Variants in MYO5B observed in about 807,000 individuals in gnomAD.
The protein encoded by MYO5B is myosin VB.
A neutral mutation model predicts 229.3 loss-of-function variants in MYO5B; 143 were observed. The observed-to-expected ratio is 0.62, with a 90% confidence interval of 0.54 to 0.72. The LOEUF (loss-of-function observed/expected upper bound fraction) is 0.72, where lower values mean the gene tolerates loss of function less well. Ranked by LOEUF, MYO5B falls within the 30% of genes least tolerant of loss-of-function variation. The probability of loss-of-function intolerance (pLI) is 0.00; values close to 1 mark genes in which losing one functional copy is unlikely to be tolerated. For missense variants in MYO5B, 2,321 were observed against 2,331.0 expected, an observed-to-expected ratio of 1.00 and a Z score of 0.09; for synonymous variants, 918 against 885.2, an observed-to-expected ratio of 1.04 and a Z score of -0.66.
chr18:50,144,986 G>A (rs2032476910), intron 1 of MYO5B, among the ~76,000 whole-genome samples: 1 of 152,138 alleles, frequency 6.6e-6, no homozygotes, highest in African/African-American at 2.4e-5. Context: ...CTCAATACAG[G>A]CCTTGAATCA....
chr18:50,046,920 C>A (rs1434157866), intron 2 of MYO5B, among the ~76,000 whole-genome samples: 1 of 152,152 alleles, frequency 6.6e-6, no homozygotes, highest in Non-Finnish European at 1.5e-5. Flanking sequence ...CTTCCTTACA[C>A]CTTATACAAA....
At chr18:49,836,916 A>G in intron 37 of MYO5B, 31 bp from the exon 38 acceptor site, 1 of 1,609,206 alleles carries the variant, frequency 6.2e-7, no homozygotes, top group Non-Finnish European at 8.5e-7. Flanking sequence ...AAGCTATGTT[A>G]AGCCGGTCCT....
intron 1 of MYO5B, among the ~76,000 whole-genome samples, chr18:50,113,401 T>C (rs1313735295): frequency 6.6e-6 from 1 of 152,184 alleles, no homozygotes; most frequent in African/African-American, 2.4e-5. Flanking sequence ...GGGCTCACCA[T>C]GGTTTGGAGG....
intron 4 of MYO5B, among the ~76,000 whole-genome samples, chr18:50,012,796 T>C (rs892954937): frequency 2.0e-5 from 3 of 152,256 alleles, no homozygotes; most frequent in Non-Finnish European, 4.4e-5. Flanking sequence ...AAAGCCATGC[T>C]GTAAATTCAG....
At chr18:49,892,966 C>T (rs2024732488) in intron 22 of MYO5B, among the ~76,000 whole-genome samples, 2 of 152,146 alleles carry the variant, frequency 1.3e-5, no homozygotes, top group Admixed American at 6.5e-5. Context: ...TTCTTTAAGA[C>T]CTAGGTCAGC....
At chr18:49,986,446 AAAT>A (rs2025871764) in intron 7 of MYO5B, among the ~76,000 whole-genome samples, 1 of 152,250 alleles carries the variant, frequency 6.6e-6, no homozygotes, top group Non-Finnish European at 1.5e-5. Context: ...CCACAGGCAC[AAAT>A]AATGAGAACA....
intron 1 of MYO5B, among the ~76,000 whole-genome samples, chr18:50,058,060 A>G (rs2030595429): frequency 6.6e-6 from 1 of 152,230 alleles, no homozygotes; most frequent in Non-Finnish European, 1.5e-5. Context: ...CATAACATGA[A>G]AAAAATCACA....
At chr18:49,896,292 C>G (rs975649759) in intron 21 of MYO5B, among the ~76,000 whole-genome samples, 1 of 152,344 alleles carries the variant, frequency 6.6e-6, no homozygotes, top group Middle Eastern at 3.4e-3. Flanking sequence ...CCCCAGCACT[C>G]TGTGGGAACC....
intron 10 of MYO5B, among the ~76,000 whole-genome samples, chr18:49,968,804 C>G (rs999748361): frequency 2.0e-5 from 3 of 152,180 alleles, no homozygotes; most frequent in Admixed American, 1.3e-4. Flanking sequence ...TTTAACTTAA[C>G]CACTCACTCA....
intron 17 of MYO5B, among the ~76,000 whole-genome samples, chr18:49,926,326 C>T (rs1232482592): frequency 6.6e-6 from 1 of 152,204 alleles, no homozygotes; most frequent in African/African-American, 2.4e-5. Context: ...TTAATCACTG[C>T]ATACGAAATG....
intron 36 of MYO5B, among the ~76,000 whole-genome samples, chr18:49,838,656 T>C (rs1185533510): frequency 6.6e-6 from 1 of 152,172 alleles, no homozygotes; most frequent in East Asian, 1.9e-4. Context: ...CGATTGAAAA[T>C]GTAACTGCTC....
At chr18:49,889,663 G>A (rs942154389) in intron 22 of MYO5B, among the ~76,000 whole-genome samples, 2 of 152,136 alleles carry the variant, frequency 1.3e-5, no homozygotes, top group Non-Finnish European at 2.9e-5. Context: ...AAGACCCCTC[G>A]CCATCCTTTG....
chr18:49,929,444 C>T (rs770414774), intron 17 of MYO5B, 68 bp downstream of exon 17: 9 of 1,337,136 alleles, frequency 6.7e-6, no homozygotes, highest in African/African-American at 1.4e-5. Flanking sequence ...ACAGAGGGCT[C>T]CCTGGGGAAC....
At chr18:50,049,739 C>T (rs1228749046) in intron 2 of MYO5B, among the ~76,000 whole-genome samples, 1 of 152,114 alleles carries the variant, frequency 6.6e-6, no homozygotes, top group African/African-American at 2.4e-5. Flanking sequence ...GCCAAATGTT[C>T]GGGGCAGGGG....
chr18:49,976,293 C>T (rs897253697), intron 9 of MYO5B, among the ~76,000 whole-genome samples: 1 of 152,134 alleles, frequency 6.6e-6, no homozygotes, highest in Non-Finnish European at 1.5e-5. Flanking sequence ...AACACCATAT[C>T]CCCAGGCAAT....
intron 39 of MYO5B, among the ~76,000 whole-genome samples, chr18:49,827,792 A>T (rs377563321): frequency 4.6e-5 from 7 of 152,086 alleles, no homozygotes; most frequent in African/African-American, 1.7e-4. Flanking sequence ...CCCAAATCTG[A>T]TGAAAGACAT....
intron 17 of MYO5B, 135 bp from the exon 18 acceptor site, chr18:49,912,308 TC>T: frequency 1.3e-6 from 1 of 746,806 alleles, no homozygotes; most frequent in Non-Finnish European, 2.4e-6. Context: ...CAAAGAACAG[TC>T]CCAGGGGAGT....
At chr18:49,956,228 T>C (rs1181593505) in intron 12 of MYO5B, among the ~76,000 whole-genome samples, 1 of 152,246 alleles carries the variant, frequency 6.6e-6, no homozygotes, top group African/African-American at 2.4e-5. Flanking sequence ...CTAGTGCTTA[T>C]TGTTTGCCAG....
At chr18:50,105,062 T>C (rs1375397679) in intron 1 of MYO5B, among the ~76,000 whole-genome samples, 2 of 149,558 alleles carry the variant, frequency 1.3e-5, no homozygotes, top group Non-Finnish European at 3.0e-5. Flanking sequence ...TCTGGAGTTT[T>C]AGGAGAATGG....
Sources: gnomAD v4.1 joint callset for allele counts (sites outside exome capture counted in the v4.1 genomes callset) on GRCh38, gnomAD v4.1.1 for gene constraint, MANE v1.5 for transcripts, NCBI Gene and HGNC (gene_info 2026-07-23, HGNC 2026-07-21) for gene names.